Variants in DYNC2H1 observed in about 807,000 individuals in gnomAD.
DYNC2H1 encodes the protein cytoplasmic dynein 2 heavy chain 1.
Under a neutral mutation model 570.0 loss-of-function variants are expected in DYNC2H1, and 410 were observed. The observed-to-expected ratio is 0.72, with a 90% CI of 0.66 to 0.78. DYNC2H1 has a LOEUF of 0.78. Ranked by LOEUF, DYNC2H1 falls within the 30% of genes least tolerant of loss-of-function variation. The pLI is 0.00. For synonymous variants in DYNC2H1, 1,688 were observed against 1,677.6 expected (o/e 1.01, Z -0.15); for missense variants, 4,865 against 5,046.4 (o/e 0.96, Z 1.09).
In DYNC2H1 at chr11:103,253,445, G is replaced by A. The variant is rs1864920861; in HGVS notation, c.10203G>A (p.Gly3401=). 2 of 1,611,460 alleles carry A rather than the reference G, an allele frequency of 1.2e-6. No individual in the cohort carries two copies. Among genetic ancestry groups the A allele is most frequent in the Middle Eastern group, 1.6e-4 (1 of 6,072 alleles). The change falls in exon 66 of 89, where the codon GGG becomes GGA. Residue 3401 remains glycine, a synonymous_variant. Coordinates refer to ENST00000375735, the MANE Select transcript of DYNC2H1 (RefSeq NM_001377.3). ...CTACAACAAGAAGTGGATTACGAGGGCAGGTATACATAGATAATAATAATT... is the reference window on the plus strand; with the variant it reads ...CTACAACAAGAAGTGGATTACGAGGACAGGTATACATAGATAATAATAATT... ...NFTTTRSGLR[G]QLLALTIQHE...
intron 75 of DYNC2H1, among the ~76,000 whole-genome samples, chr11:103,291,689 A>G (rs755453659): frequency 1.3e-5 from 2 of 152,096 alleles, no homozygotes; most frequent in East Asian, 3.9e-4. Context: ...ATTAGAGTCT[A>G]TCTCTCTCTT....
chr11:103,201,705 TG>T lies in DYNC2H1; in HGVS notation c.8197+1552del, dbSNP rs1004377153. Among the ~76,000 whole-genome samples the T allele has an allele frequency of 1.3e-5, 2 of 152,164 alleles. No individual in the cohort carries two copies. Among genetic ancestry groups the T allele is most frequent in the African/African-American group, 4.8e-5 (2 of 41,450 alleles). ...CTCTCCTGCTGTCTGTGGTGTTACC[TG>T]ACCTTTTTGGTGTCTTCCTGGGGAG... is the stretch of plus-strand genomic sequence containing the variant. On this transcript the variant is annotated intron_variant, in intron 50 of 88. Coordinates refer to ENST00000375735, the MANE Select transcript of DYNC2H1 (RefSeq NM_001377.3). The surrounding 1 kb of genome is among the most constrained non-coding windows in gnomAD (Gnocchi z 4.8).
chr11:103,303,000 G>T, intron 75 of DYNC2H1, 93 bp from the exon 76 acceptor site: 4 of 920,238 alleles, frequency 4.3e-6, no homozygotes, highest in Non-Finnish European at 5.8e-6. Context: ...ACTCACCTGG[G>T]TATTCTCTAT....
intron 31 of DYNC2H1, among the ~76,000 whole-genome samples, chr11:103,168,054 T>G (rs989466373): frequency 1.3e-5 from 2 of 152,212 alleles, no homozygotes; most frequent in African/African-American, 4.8e-5. Context: ...ATTTTATGGT[T>G]CCCTCAGCCT....
At chr11:103,291,007 A>G (rs1376368403) in intron 75 of DYNC2H1, among the ~76,000 whole-genome samples, 1 of 152,214 alleles carries the variant, frequency 6.6e-6, no homozygotes, top group Non-Finnish European at 1.5e-5. Flanking sequence ...AAAAGCAGCC[A>G]TGGATGGGGG....
chr11:103,444,171 ATATT>A (rs919844470), intron 85 of DYNC2H1, among the ~76,000 whole-genome samples: 1 of 151,700 alleles, frequency 6.6e-6, no homozygotes, highest in African/African-American at 2.4e-5. Flanking sequence ...TCTAATATTT[ATATT>A]AATTATCAAT....
At chr11:103,315,149 G>T (rs959554041) in intron 79 of DYNC2H1, among the ~76,000 whole-genome samples, 5 of 151,906 alleles carry the variant, frequency 3.3e-5, no homozygotes, top group African/African-American at 1.2e-4. Flanking sequence ...ATACAGCTCA[G>T]ATCAATTTTC....
At chr11:103,176,187 C>T in intron 36 of DYNC2H1, 48 bp from the exon 37 acceptor site, 2 of 1,388,950 alleles carry the variant, frequency 1.4e-6, no homozygotes, top group South Asian at 1.6e-5. Context: ...AAACTTTTTT[C>T]ATCATTAAAG....
At chr11:103,195,333 A>G (rs1021176221) in intron 47 of DYNC2H1, among the ~76,000 whole-genome samples, 1 of 152,156 alleles carries the variant, frequency 6.6e-6, no homozygotes, top group African/African-American at 2.4e-5. Flanking sequence ...TTGTGAGTCA[A>G]TTTCTGTATA....
intron 6 of DYNC2H1, among the ~76,000 whole-genome samples, chr11:103,118,331 C>T (rs147570761): frequency 6.6e-6 from 1 of 151,356 alleles, no homozygotes; most frequent in East Asian, 1.9e-4. Flanking sequence ...CTTAGAAGAA[C>T]TATAGTTCTT....
In DYNC2H1 at chr11:103,241,919, G is replaced by A. The variant is rs778909384; in HGVS notation, c.9820-1774G>A. ...TCGTTCTTCTCTTTAATATCACCGT[G>A]TGCTAGCAATTGTAAACAGCATTGG... On this transcript the variant is annotated intron_variant, in intron 63 of 88. Coordinates refer to ENST00000375735, the MANE Select transcript of DYNC2H1 (RefSeq NM_001377.3). The surrounding 1 kb of genome is among the most constrained non-coding windows in gnomAD (Gnocchi z 5.1). Among the ~76,000 whole-genome samples, 1 of 152,048 alleles carries A rather than the reference G, an allele frequency of 6.6e-6. No homozygotes were observed. Among genetic ancestry groups the A allele is most frequent in the Non-Finnish European group, 1.5e-5 (1 of 68,012 alleles).
At chr11:103,444,686 C>G (rs1354656037) in intron 85 of DYNC2H1, among the ~76,000 whole-genome samples, 1 of 152,102 alleles carries the variant, frequency 6.6e-6, no homozygotes, top group Non-Finnish European at 1.5e-5. Flanking sequence ...CAGGGAAAGC[C>G]TGTCTTTGGA....
intron 85 of DYNC2H1, among the ~76,000 whole-genome samples, chr11:103,449,548 C>A (rs967647546): frequency 6.6e-6 from 1 of 152,198 alleles, no homozygotes; most frequent in Non-Finnish European, 1.5e-5. Flanking sequence ...AATTGTCTTA[C>A]ACTCAACCAC....
intron 84 of DYNC2H1, among the ~76,000 whole-genome samples, chr11:103,401,117 T>C (rs1311294545): frequency 6.6e-6 from 1 of 152,192 alleles, no homozygotes; most frequent in Admixed American, 6.5e-5. Flanking sequence ...AGTAACATCT[T>C]GAGTGACATA....
At position 103,369,015 on chromosome 11, in the gene DYNC2H1, G is replaced by A. The variant is rs1218084015; in HGVS notation, c.12156+10656G>A. The stretch of plus-strand genomic sequence containing the variant: ...CCACCTTTATAAGCACTAAAAATCA[G>A]GTAAGCACTCACAATAACTGGTTTT... On this transcript the variant is annotated intron_variant, in intron 83 of 88. Transcript: ENST00000375735. This position sits in a 1 kb window ranked among gnomAD's most constrained non-coding sequence, Gnocchi z 4.0. Among the ~76,000 whole-genome samples, 3 of 152,056 alleles carry A rather than the reference G, an allele frequency of 2.0e-5. No homozygotes were observed. The highest frequency in any genetic ancestry group is 4.4e-5 in the Non-Finnish European group (3 of 68,014).
At chr11:103,214,894 A>G (rs1863320467) in intron 54 of DYNC2H1, among the ~76,000 whole-genome samples, 1 of 126,834 alleles carries the variant, frequency 7.9e-6, no homozygotes, top group Non-Finnish European at 1.7e-5. Context: ...CCTAGGTGTT[A>G]TTTATTTTTT....
intron 59 of DYNC2H1, among the ~76,000 whole-genome samples, chr11:103,224,660 A>C (rs1463459217): frequency 6.6e-6 from 1 of 152,188 alleles, no homozygotes; most frequent in Non-Finnish European, 1.5e-5. Context: ...AATGATGGGC[A>C]TTGGGTTGGT....
intron 85 of DYNC2H1, among the ~76,000 whole-genome samples, chr11:103,447,037 T>A (rs1944445924): frequency 6.6e-6 from 1 of 152,154 alleles, no homozygotes; most frequent in Admixed American, 6.5e-5. Context: ...TTAGCCCATG[T>A]AACTCAACTC....
In DYNC2H1 at chr11:103,277,706, G is replaced by A. The variant is rs550988661; in HGVS notation, c.10696-2642G>A. On this transcript the variant is annotated intron_variant, in intron 70 of 88. Coordinates refer to ENST00000375735, the MANE Select transcript of DYNC2H1 (RefSeq NM_001377.3). The surrounding 1 kb of genome is among the most constrained non-coding windows in gnomAD (Gnocchi z 4.3). ...TAGTTCTCTAAAGCAAGCTTGCCTC[G>A]ACTCTTACCAGGTAACCTAGTGACA... Among the ~76,000 whole-genome samples the A allele has an allele frequency of 7.4e-4, 113 of 152,172 alleles. No homozygotes were observed. Among genetic ancestry groups the A allele is most frequent in the African/African-American group, 2.7e-3 (111 of 41,520 alleles).
Sources: gnomAD v4.1 joint callset for allele counts (sites outside exome capture counted in the v4.1 genomes callset) on GRCh38, gnomAD v4.1.1 for gene constraint, Gnocchi (gnomAD v3.1) non-coding constraint, MANE v1.5 for transcripts, NCBI Gene and HGNC (gene_info 2026-07-23, HGNC 2026-07-21) for gene names.